The following COL4A6 variants were observed in gnomAD, a reference collection of about 807,000 sequenced individuals.
COL4A6 encodes the protein collagen alpha-6(IV) chain.
A neutral mutation model predicts 126.7 loss-of-function variants in COL4A6; 59 were observed. The observed-to-expected ratio is 0.47, with a 90% CI of 0.38 to 0.58. The LOEUF (loss-of-function observed/expected upper bound fraction) is 0.58. Among genes scored for constraint, COL4A6 ranks in the 20% least tolerant of loss-of-function variants. COL4A6 has a pLI of 0.00. For missense variants in COL4A6, 1,285 were observed against 1,337.3 expected (o/e 0.96, Z 0.61); for synonymous variants, 547 against 496.6 (o/e 1.10, Z -1.35).
In COL4A6 at chrX:108,155,740, A is replaced by ATACT. The variant is rs1181146076; in HGVS notation, c.*1256_*1259dup. 1.8e-5 allele frequency: 2 copies of ATACT among 111,908 alleles called. No individual in the cohort carries two copies. The highest frequency in any genetic ancestry group is 3.8e-5 in the Non-Finnish European group (2 of 53,275). The allele number at this position is 111,908 out of a possible 1,213,427, so 9.2% of individuals were successfully genotyped here. A position where few individuals can be genotyped will look rare whatever the true frequency, so the allele number is the denominator to read the frequency against. Reference sequence around the variant, plus strand: ...TGTCTGTATTGGCACAGTTTATATAATACTTAAGGAAACAGAATCACCTGG... The same window carrying ATACT: ...TGTCTGTATTGGCACAGTTTATATAATACTTACTTAAGGAAACAGAATCACCTGG... On this transcript the variant is annotated 3_prime_UTR_variant, in exon 45 of 45. Coordinates refer to ENST00000334504, the MANE Select transcript of COL4A6 (RefSeq NM_033641.4).
At chrX:108,349,752 AC>A (rs776933149) in intron 2 of COL4A6, among the ~76,000 whole-genome samples, 1 of 111,683 alleles carries the variant, frequency 9.0e-6, no homozygotes. Flanking sequence ...TTAGATAGAT[AC>A]TATATTCTAT....
At position 108,399,002 on chromosome X, in the gene COL4A6, T is replaced by C. The variant is rs1173644398; in HGVS notation, c.63+38940A>G. 7.2e-5 allele frequency among the ~76,000 whole-genome samples: 8 copies of C among 111,242 alleles called. No individual in the cohort carries two copies. In the Admixed American group the frequency reaches 7.6e-4, roughly 11 times the overall value. On this transcript the variant is annotated intron_variant, in intron 2 of 44. Coordinates refer to ENST00000334504, the MANE Select transcript of COL4A6 (RefSeq NM_033641.4). ...ATGCTGTAAGTAGAAGGCTGTGAAGTGTTTGGATAAATTGAAGGGAGAGCA... is the reference window on the plus strand; with the variant it reads ...ATGCTGTAAGTAGAAGGCTGTGAAGCGTTTGGATAAATTGAAGGGAGAGCA...
In COL4A6 at chrX:108,196,500, G is replaced by A. The variant is rs748686518; in HGVS notation, c.903+11C>T. 27 of 1,199,532 alleles carry A rather than the reference G, an allele frequency of 2.3e-5. 1 individual carries two copies. In the South Asian group the frequency reaches 4.5e-4, roughly 20 times the overall value. On this transcript the variant is annotated intron_variant, in intron 14 of 44. Transcript: ENST00000334504. ...TGACAGACCCAGGCAAGTAACATTC[G>A]AGGTTCATACCCTAGGTCCTGGCAA...
chrX:108,268,823 T>C (rs1260076841), intron 3 of COL4A6: 5 of 147,861 alleles, frequency 3.4e-5, no homozygotes, highest in Non-Finnish European at 4.0e-5. Context: ...GCAGCAGCTA[T>C]TTTTTCTCCA....
At chrX:108,275,433 C>T (rs2037575540) in intron 3 of COL4A6, among the ~76,000 whole-genome samples, 1 of 112,333 alleles carries the variant, frequency 8.9e-6, no homozygotes, top group South Asian at 3.7e-4. Context: ...TACTCCACTG[C>T]TTCGTTTCTG....
chrX:108,218,270 GTTTCCCT>G (rs201260259), intron 5 of COL4A6, among the ~76,000 whole-genome samples: 4,489 of 112,381 alleles, frequency 0.04, 193 homozygotes, highest in African/African-American at 0.12. Flanking sequence ...CAGTTTGCTA[GTTTCCCT>G]TACCCAGTGG....
chrX:108,165,134 C>A, intron 38 of COL4A6, 96 bp from the exon 39 acceptor site: 8 of 940,738 alleles, frequency 8.5e-6, no homozygotes, highest in Non-Finnish European at 1.2e-5. Context: ...AGCCCATTCC[C>A]AGGACAGAGA....
At chrX:108,425,596 T>C (rs1488042885) in intron 2 of COL4A6, among the ~76,000 whole-genome samples, 2 of 108,850 alleles carry the variant, frequency 1.8e-5, no homozygotes, top group African/African-American at 6.7e-5. Context: ...TAGCCGGGCA[T>C]GGTGACGGGT....
chrX:108,203,491 G>A (rs2035449852), intron 12 of COL4A6, among the ~76,000 whole-genome samples: 1 of 112,295 alleles, frequency 8.9e-6, no homozygotes, highest in Non-Finnish European at 1.9e-5. Flanking sequence ...CTTTCATGTT[G>A]CCAGACCATT....
chrX:108,302,125 T>C (rs1297470672), intron 3 of COL4A6, among the ~76,000 whole-genome samples: 3 of 111,359 alleles, frequency 2.7e-5, no homozygotes, highest in Non-Finnish European at 5.6e-5. Context: ...TGTATATTTA[T>C]ACATTGTTAA....
chrX:108,232,983 A>T (rs2036346922), intron 3 of COL4A6, among the ~76,000 whole-genome samples: 1 of 112,124 alleles, frequency 8.9e-6, no homozygotes, highest in South Asian at 3.7e-4. Context: ...AAGATTGAAT[A>T]AAAAAAGGAG....
At chrX:108,403,594 C>T (rs151124809) in intron 2 of COL4A6, among the ~76,000 whole-genome samples, 1,242 of 110,606 alleles carry the variant, frequency 0.011, 6 homozygotes, top group Non-Finnish European at 0.016. Context: ...TTAATAAATG[C>T]GTTGTTCAAT....
intron 3 of COL4A6, among the ~76,000 whole-genome samples, chrX:108,276,369 T>C (rs1426868451): frequency 2.7e-5 from 3 of 112,709 alleles, no homozygotes; most frequent in Admixed American, 9.4e-5. Context: ...ACTTTGGACC[T>C]GGATTCTGAT....
chrX:108,294,152 C>T (rs777150090), intron 3 of COL4A6, among the ~76,000 whole-genome samples: 3 of 111,885 alleles, frequency 2.7e-5, no homozygotes, highest in African/African-American at 9.7e-5. Context: ...TCATTTTCAG[C>T]TGAGGAAACT....
At chrX:108,196,626 G>A (rs779450502) in intron 13 of COL4A6, 47 bp from the exon 14 acceptor site, 16 of 1,054,484 alleles carry the variant, frequency 1.5e-5, no homozygotes, top group African/African-American at 7.5e-5. Flanking sequence ...TTTTCTTGTC[G>A]GTCTCCTGGC....
At chrX:108,188,362 A>T (rs944054230) in intron 21 of COL4A6, among the ~76,000 whole-genome samples, 155 bp downstream of exon 21, 1 of 112,052 alleles carries the variant, frequency 8.9e-6, no homozygotes, top group Admixed American at 9.4e-5. Context: ...ACTTTAAGAG[A>T]CTCTATAGTC....
chrX:108,234,246 G>A (rs1390426891), intron 3 of COL4A6, among the ~76,000 whole-genome samples: 2 of 112,153 alleles, frequency 1.8e-5, no homozygotes, highest in African/African-American at 6.5e-5. Context: ...AGCAGAGCAA[G>A]ATCTTTAGTC....
At chrX:108,351,431 ACTCTCT>A (rs57530249) in intron 2 of COL4A6, among the ~76,000 whole-genome samples, 1,366 of 92,659 alleles carry the variant, frequency 0.015, 36 homozygotes, top group African/African-American at 0.046. Flanking sequence ...AAAGGAGGTA[ACTCTCT>A]CTCTCTGTGT....
intron 2 of COL4A6, among the ~76,000 whole-genome samples, chrX:108,406,745 C>T (rs969452006): frequency 8.9e-6 from 1 of 112,282 alleles, no homozygotes; most frequent in South Asian, 3.7e-4. Flanking sequence ...CCAATCTATC[C>T]TTTAGGATAT....
Sources: allele counts gnomAD v4.1 joint callset (sites outside exome capture counted in the v4.1 genomes callset), GRCh38; gene constraint gnomAD v4.1.1; transcripts MANE v1.5; gene names NCBI Gene and HGNC (gene_info 2026-07-23, HGNC 2026-07-21).